The following DYM variants were observed in gnomAD, a reference collection of about 807,000 sequenced individuals.
The protein encoded by DYM is dyggve-Melchior-Clausen syndrome protein.
Under a neutral mutation model 93.1 loss-of-function variants are expected in DYM, and 78 were observed. That is an observed-to-expected ratio of 0.84 (90% CI 0.70 to 1.01). DYM has a LOEUF of 1.01. Among genes scored for constraint, DYM ranks in the 50% least tolerant of loss-of-function variants. The pLI is 0.00. For missense variants in DYM, 789 were observed against 845.0 expected (o/e 0.93, Z 0.82); for synonymous variants, 321 against 319.7 (o/e 1.00, Z -0.04).
intron 6 of DYM, among the ~76,000 whole-genome samples, chr18:49,339,466 C>CA (rs1479715560): frequency 6.6e-6 from 1 of 152,180 alleles, no homozygotes; most frequent in African/African-American, 2.4e-5. Context: ...CTTGCTCTTC[C>CA]ATTTGCCGGC....
In DYM at chr18:49,075,104, T is replaced by C. The variant is rs531991912; in HGVS notation, c.2025+22298A>G. 1.2e-4 allele frequency among the ~76,000 whole-genome samples: 19 copies of C among 152,328 alleles called. No individual in the cohort carries two copies. In the South Asian group the frequency reaches 1.7e-3, roughly 13 times the overall value. ...AAACCTAGCTTTCACCTGTGTCTCC[T>C]TGCTGAACAGAGACGAACAGCATAG... is the stretch of plus-strand genomic sequence containing the variant. On this transcript the variant is annotated intron_variant, in intron 17 of 17. Transcript: ENST00000675505.
At chr18:49,144,647 A>C (rs1300375327) in intron 15 of DYM, among the ~76,000 whole-genome samples, 1 of 152,216 alleles carries the variant, frequency 6.6e-6, no homozygotes, top group Non-Finnish European at 1.5e-5. Context: ...CAATGAGTTC[A>C]AAGGACAGAA....
chr18:49,334,800 T>C (rs930622432), intron 6 of DYM, among the ~76,000 whole-genome samples: 2 of 152,228 alleles, frequency 1.3e-5, no homozygotes, highest in African/African-American at 4.8e-5. Context: ...TAAGGAGTTA[T>C]TACTGATAGA....
At chr18:49,291,961 C>T (rs994397230) in intron 8 of DYM, among the ~76,000 whole-genome samples, 2 of 152,162 alleles carry the variant, frequency 1.3e-5, no homozygotes, top group African/African-American at 4.8e-5. Context: ...CCATGACAGT[C>T]AGCTCCAATA....
chr18:49,176,358 CACAAAA>C (rs1270267703), intron 14 of DYM, among the ~76,000 whole-genome samples: 2 of 151,952 alleles, frequency 1.3e-5, no homozygotes, highest in African/African-American at 4.8e-5. Context: ...TTTCATTTTC[CACAAAA>C]ACATTCATGC....
rs367735120 is a variant in DYM at position 49,420,666 on chromosome 18, G to A, written c.140+9589C>T. ...TCATCTCACTGGGGCTTGTCAGACAGTGGGTGCAGGACAGTGGGTGCAGCC... is the reference window on the plus strand; with the variant it reads ...TCATCTCACTGGGGCTTGTCAGACAATGGGTGCAGGACAGTGGGTGCAGCC... On this transcript the variant is annotated intron_variant, in intron 2 of 17. Transcript: ENST00000675505. 5.1e-4 allele frequency among the ~76,000 whole-genome samples: 78 copies of A among 152,256 alleles called. 1 individual carries two copies. The South Asian group carries it at 0.013, about 26-fold the overall frequency.
At position 49,086,297 on chromosome 18, in the gene DYM, T is replaced by A. The variant is rs2078520644; in HGVS notation, c.2025+11105A>T. On this transcript the variant is annotated intron_variant, in intron 17 of 17. Coordinates refer to ENST00000675505, the MANE Select transcript of DYM (RefSeq NM_001353214.3). ...CAGAGTCCCAAGGCAGTGCAGGGCA[T>A]CACATGGGGAGGGGGCTAAATGTGC... Among the ~76,000 whole-genome samples, 4 of 152,310 alleles carry A rather than the reference T, an allele frequency of 2.6e-5. No individual in the cohort carries two copies. The South Asian group carries it at 8.3e-4, about 32-fold the overall frequency.
intron 14 of DYM, among the ~76,000 whole-genome samples, chr18:49,203,484 G>A (rs1392296021): frequency 6.7e-6 from 1 of 148,546 alleles, no homozygotes; most frequent in East Asian, 2.0e-4. Context: ...AGACATGGGA[G>A]ACTTTTCATT....
rs1368607553 is a variant in DYM, at chr18:49,289,756, T to TACAC, written c.764-3141_764-3140insGTGT. Among the ~76,000 whole-genome samples, 73 of 47,692 alleles carry TACAC rather than the reference T, an allele frequency of 1.5e-3. 1 individual carries two copies. Among genetic ancestry groups the TACAC allele is most frequent in the South Asian group, 2.2e-3 (4 of 1,792 alleles). The allele number at this position is 47,692 out of a possible 152,430, so 31.3% of individuals were successfully genotyped here. On this transcript the variant is annotated intron_variant, in intron 8 of 17. Coordinates refer to ENST00000675505, the MANE Select transcript of DYM (RefSeq NM_001353214.3). Reference sequence around the variant, plus strand: ...ATATATATATATATATATATATATATATATATATATATATATACACATATA... The same window carrying TACAC: ...ATATATATATATATATATATATATATACACATATATATATATATATACACATATA...
At chr18:49,272,453 A>C in intron 10 of DYM, 150 bp from the exon 11 acceptor site, 1 of 625,978 alleles carries the variant, frequency 1.6e-6, no homozygotes. Flanking sequence ...CTTCTGACTG[A>C]ATGTATTTTC....
At chr18:49,280,614 C>T (rs1475673930) in intron 10 of DYM, among the ~76,000 whole-genome samples, 1 of 152,174 alleles carries the variant, frequency 6.6e-6, no homozygotes, top group Non-Finnish European at 1.5e-5. Flanking sequence ...GCTGTCAAGC[C>T]AGCCAGGGAC....
At chr18:49,268,758 T>A (rs2094615902) in intron 11 of DYM, among the ~76,000 whole-genome samples, 2 of 144,526 alleles carry the variant, frequency 1.4e-5, no homozygotes, top group Admixed American at 1.4e-4. Flanking sequence ...TTTATATGCA[T>A]GTTATACTTC....
At chr18:49,391,514 T>C in intron 3 of DYM, 79 bp downstream of exon 3, 2 of 1,353,088 alleles carry the variant, frequency 1.5e-6, no homozygotes, top group Non-Finnish European at 2.1e-6. Flanking sequence ...AATTACTTCA[T>C]TAATTCAGTT....
chr18:49,355,167 G>C (rs2065433922), intron 6 of DYM, among the ~76,000 whole-genome samples: 1 of 151,768 alleles, frequency 6.6e-6, no homozygotes, highest in African/African-American at 2.4e-5. Flanking sequence ...TAGATACATT[G>C]ATCAACACAT....
chr18:49,098,622 T>C (rs528361980), intron 16 of DYM, among the ~76,000 whole-genome samples: 2 of 152,330 alleles, frequency 1.3e-5, no homozygotes, highest in Non-Finnish European at 2.9e-5. Context: ...AGATAAACCA[T>C]TTCTTTCTCA....
chr18:49,365,753 G>A (rs570113257), intron 5 of DYM, among the ~76,000 whole-genome samples: 2 of 152,194 alleles, frequency 1.3e-5, no homozygotes, highest in South Asian at 4.1e-4. Flanking sequence ...AATTACGGAA[G>A]GTGAGAGACC....
chr18:49,282,016 C>A lies in DYM; in HGVS notation c.1106G>T (p.Arg369Leu). The change falls in exon 10 of 18, where the codon CGC becomes CTC. Residue 369 changes from arginine (R) to leucine (L), a missense_variant. By Grantham distance (102) the Arg-to-Leu change is moderately radical. This residue lies in a region of DYM where 450 missense variants were observed against 436.2 expected (regional missense o/e 1.03). Transcript: ENST00000675505. ...ACTTACAAGATTTTCCATATCTGTG[C>A]GAGCCAACATGTATGTTCTAATATT... ...NSNIRTYMLA[R>L]TDMENLVLPI... 3.1e-6 allele frequency: 5 copies of A among 1,613,500 alleles called. No individual in the cohort carries two copies. The highest frequency in any genetic ancestry group is 1.7e-4 in the Middle Eastern group (1 of 6,054).
intron 6 of DYM, among the ~76,000 whole-genome samples, chr18:49,347,643 T>G (rs2064713910): frequency 6.6e-6 from 1 of 152,194 alleles, no homozygotes. Flanking sequence ...TGGCATTTCC[T>G]CCCGTAACTT....
intron 15 of DYM, 120 bp from the exon 16 acceptor site, chr18:49,119,046 A>C (rs2082154163): frequency 3.7e-6 from 3 of 810,522 alleles, no homozygotes; most frequent in South Asian, 3.1e-5. Flanking sequence ...TGAAGAGAAG[A>C]AGCTCATCAA....
Sources: allele counts gnomAD v4.1 joint callset (sites outside exome capture counted in the v4.1 genomes callset), GRCh38; gene constraint gnomAD v4.1.1; regional missense constraint gnomAD v4.1.1; transcripts MANE v1.5; gene names NCBI Gene and HGNC (gene_info 2026-07-23, HGNC 2026-07-21).